Variants in OPCML observed in about 807,000 individuals in gnomAD.
OPCML encodes the protein opioid binding protein/cell adhesion molecule like.
Under a neutral mutation model 37.8 loss-of-function variants are expected in OPCML, and 13 were observed. The ratio of observed to expected loss-of-function variants is 0.34; its 90% CI spans 0.22 to 0.55. The LOEUF is 0.55. Ranked by LOEUF, OPCML falls within the 20% of genes least tolerant of loss-of-function variation. The pLI is 0.91. For synonymous variants in OPCML, 176 were observed against 168.8 expected (o/e 1.04, Z -0.33); for missense variants, 341 against 435.6 (o/e 0.78, Z 1.93).
intron 3 of OPCML, among the ~76,000 whole-genome samples, chr11:132,644,923 G>T (rs1472275573): frequency 6.6e-6 from 1 of 152,206 alleles, no homozygotes; most frequent in Non-Finnish European, 1.5e-5. Context: ...ATCTAACAGA[G>T]CAACTTTTAG....
chr11:133,070,824 C>A (rs1948521046), intron 1 of OPCML, among the ~76,000 whole-genome samples: 1 of 152,100 alleles, frequency 6.6e-6, no homozygotes, highest in Admixed American at 6.5e-5. Flanking sequence ...GGGGGTCAAG[C>A]GATGTTGGTT....
At chr11:133,412,473 G>C (rs1945671231) in intron 1 of OPCML, among the ~76,000 whole-genome samples, 1 of 152,198 alleles carries the variant, frequency 6.6e-6, no homozygotes, top group African/African-American at 2.4e-5. Context: ...GGTGGATGCA[G>C]ATGGATATCC....
At chr11:132,553,203 A>G (rs182680688) in intron 3 of OPCML, among the ~76,000 whole-genome samples, 14 of 152,352 alleles carry the variant, frequency 9.2e-5, no homozygotes, top group South Asian at 4.1e-4. Context: ...AATGGGGGAT[A>G]ACCACTCAAG....
intron 2 of OPCML, among the ~76,000 whole-genome samples, chr11:132,803,087 A>T (rs193245033): frequency 6.6e-6 from 1 of 152,322 alleles, no homozygotes; most frequent in African/African-American, 2.4e-5. Context: ...ACACGATAAC[A>T]TCCTCAAAAA....
chr11:132,960,433 C>G (rs952193347), intron 1 of OPCML, among the ~76,000 whole-genome samples: 1 of 152,134 alleles, frequency 6.6e-6, no homozygotes, highest in African/African-American at 2.4e-5. Context: ...TGGGGCGAGG[C>G]CAGGAGCGGG....
intron 1 of OPCML, among the ~76,000 whole-genome samples, chr11:133,431,623 G>A (rs1316963025): frequency 6.6e-6 from 1 of 151,708 alleles, no homozygotes; most frequent in Non-Finnish European, 1.5e-5. Flanking sequence ...GTGCCACCAT[G>A]CCCAGCTAAT....
At chr11:133,188,437 A>T (rs1233159571) in intron 1 of OPCML, among the ~76,000 whole-genome samples, 1 of 152,154 alleles carries the variant, frequency 6.6e-6, no homozygotes, top group Non-Finnish European at 1.5e-5. Flanking sequence ...TCTCAACTCC[A>T]TCGCGATCCA....
chr11:133,508,750 C>T (rs993958649), intron 1 of OPCML, among the ~76,000 whole-genome samples: 1 of 152,076 alleles, frequency 6.6e-6, no homozygotes, highest in Non-Finnish European at 1.5e-5. Context: ...TGTCAGCAGC[C>T]TTGTCCCTCC....
chr11:133,112,643 C>T (rs531251994), intron 1 of OPCML, among the ~76,000 whole-genome samples: 6 of 152,118 alleles, frequency 3.9e-5, no homozygotes, highest in East Asian at 3.9e-4. Flanking sequence ...GGCTATTTGC[C>T]GTGAATGCTT....
chr11:133,532,465 AGCGCGC>A lies in OPCML; in HGVS notation c.-147_-142del. ...GAGGGAGAGAGCAGAAGAGAGAGAG[AGCGCGC>A]GAGAGATGGGAGCAGGCAGGCAGCG... On this transcript the variant is annotated 5_prime_UTR_variant, in exon 1 of 8. Coordinates refer to ENST00000524381, the MANE Select transcript of OPCML (RefSeq NM_001012393.5). 1.8e-5 allele frequency: 18 copies of A among 975,454 alleles called. No individual in the cohort carries two copies. The highest frequency in any genetic ancestry group is 2.9e-5 in the South Asian group (2 of 69,424). The allele number at this position is 975,454 out of a possible 1,614,324, so 60.4% of individuals were successfully genotyped here. A position where few individuals can be genotyped will look rare whatever the true frequency, so the allele number is the denominator to read the frequency against.
chr11:132,541,232 G>A (rs775082012), intron 3 of OPCML, among the ~76,000 whole-genome samples: 31 of 152,094 alleles, frequency 2.0e-4, no homozygotes, highest in Non-Finnish European at 3.7e-4. Flanking sequence ...TTCCTGGAGC[G>A]AGTTTCAGAC....
intron 1 of OPCML, chr11:133,007,351 A>G (rs1947132427): frequency 1.0e-6 from 1 of 985,320 alleles, no homozygotes; most frequent in African/African-American, 1.7e-5. Context: ...AACCTCCCTT[A>G]TCTGTGTGAT....
At chr11:132,849,293 G>T (rs528089162) in intron 2 of OPCML, among the ~76,000 whole-genome samples, 1 of 152,138 alleles carries the variant, frequency 6.6e-6, no homozygotes, top group Non-Finnish European at 1.5e-5. Context: ...GATTTCATGC[G>T]ATCTAGCGCT....
intron 2 of OPCML, among the ~76,000 whole-genome samples, chr11:132,896,951 T>A (rs776519765): frequency 2.0e-5 from 3 of 152,212 alleles, no homozygotes; most frequent in Non-Finnish European, 4.4e-5. Flanking sequence ...CCATGCCTAG[T>A]GGGCCTATTT....
intron 1 of OPCML, among the ~76,000 whole-genome samples, chr11:132,962,341 C>T (rs1240398365): frequency 6.6e-6 from 1 of 152,232 alleles, no homozygotes; most frequent in Non-Finnish European, 1.5e-5. Context: ...CCTCCCCCAT[C>T]ATGATGAAGA....
At chr11:133,049,043 G>A (rs925940931) in intron 1 of OPCML, among the ~76,000 whole-genome samples, 3 of 152,176 alleles carry the variant, frequency 2.0e-5, no homozygotes, top group African/African-American at 7.2e-5. Context: ...CCTGCTATGT[G>A]GCAGACTTCA....
intron 3 of OPCML, among the ~76,000 whole-genome samples, chr11:132,647,235 G>A (rs560658559): frequency 9.2e-5 from 14 of 152,318 alleles, no homozygotes; most frequent in South Asian, 6.2e-4. Flanking sequence ...GTACTTATCA[G>A]CAGGGCCCTT....
chr11:133,278,492 T>C (rs1254948683), intron 1 of OPCML, among the ~76,000 whole-genome samples: 1 of 152,138 alleles, frequency 6.6e-6, no homozygotes, highest in African/African-American at 2.4e-5. Flanking sequence ...ACTGTCAGCT[T>C]GGACTCATTC....
rs1192875133 is a variant in OPCML, at chr11:132,420,638, A to G, written c.917-345T>C. 2.0e-5 allele frequency among the ~76,000 whole-genome samples: 3 copies of G among 152,220 alleles called. No individual in the cohort carries two copies. In the East Asian group the frequency reaches 5.8e-4, roughly 29 times the overall value. ...ATCAGTGCCTCTAACTGTGTGCTAT[A>G]CTTGGAGAGTGTCCAGTACAGACAA... is the stretch of plus-strand genomic sequence containing the variant. On this transcript the variant is annotated intron_variant, in intron 7 of 7. Coordinates refer to ENST00000524381, the MANE Select transcript of OPCML (RefSeq NM_001012393.5).
Sources: gnomAD v4.1 joint callset for allele counts (sites outside exome capture counted in the v4.1 genomes callset) on GRCh38, gnomAD v4.1.1 for gene constraint, MANE v1.5 for transcripts, NCBI Gene and HGNC (gene_info 2026-07-23, HGNC 2026-07-21) for gene names.